SERPINA9: variants seen among roughly 807,000 people sequenced by gnomAD.
The protein encoded by SERPINA9 is serpin A9.
In SERPINA9, 32 loss-of-function variants were observed where a neutral mutation model predicts 24.5. That is an observed-to-expected ratio of 1.30 (90% confidence interval 0.98 to 1.75). The LOEUF is 1.75. Ranked by LOEUF, SERPINA9 falls within the 40% of genes most tolerant of loss-of-function variation. The pLI, the probability that SERPINA9 is intolerant of heterozygous loss-of-function variation, is 0.00. For missense variants in SERPINA9, 594 were observed against 497.1 expected (o/e 1.19, Z -1.85); for synonymous variants, 233 against 197.7 (o/e 1.18, Z -1.50).
intron 1 of SERPINA9, among the ~76,000 whole-genome samples, chr14:94,472,165 G>C (rs1319653550): frequency 6.6e-6 from 1 of 152,076 alleles, no homozygotes; most frequent in Non-Finnish European, 1.5e-5. Context: ...CGGCCCCACT[G>C]CTGGCCAGTG....
chr14:94,475,445 C>T (rs574262965), intron 1 of SERPINA9, among the ~76,000 whole-genome samples: 34 of 151,234 alleles, frequency 2.2e-4, no homozygotes, highest in Non-Finnish European at 4.1e-4. Flanking sequence ...CATACACACA[C>T]ACACACACAC....
intron 1 of SERPINA9, chr14:94,470,166 T>A: frequency 9.1e-7 from 1 of 1,099,058 alleles, no homozygotes; most frequent in Non-Finnish European, 1.1e-6. Flanking sequence ...CCATGCTTTT[T>A]GATGTTTCTG....
At position 94,469,639 on chromosome 14, in the gene SERPINA9, T is replaced by A. The variant is rs761176457; in HGVS notation, c.202A>T (p.Ile68Phe). 1.2e-6 allele frequency: 2 copies of A among 1,613,976 alleles called. No individual in the cohort carries two copies. Among genetic ancestry groups the A allele is most frequent in the Non-Finnish European group, 1.7e-6 (2 of 1,179,996 alleles). ...GAGACACTCACAGGGGAGAAGAAGA[T>A]GTTCTGACTCGGGGTCTCCAAAACC... ...RLVLETPSQN[I>F]FFSPVSVSTS... The change falls in exon 2 of 5, where the codon ATC becomes TTC. Residue 68 changes from isoleucine to phenylalanine, a missense_variant. Ile to Phe is a conservative substitution (Grantham distance 21). Transcript: ENST00000674397.
Position 94,469,490 on chromosome 14 carries a change from C to T in SERPINA9, c.351G>A (p.Leu117=), listed in dbSNP as rs1899193044. 1 of 1,614,080 alleles carries T rather than the reference C, an allele frequency of 6.2e-7. No homozygotes were observed. The highest frequency in any genetic ancestry group is 1.3e-5 in the African/African-American group (1 of 74,922). The change falls in exon 2 of 5, where the codon CTG becomes CTA. Residue 117 remains leucine, a synonymous_variant. Transcript: ENST00000674397. ...TGCTGGGAACAGTCAGTGAGTGAAC[C>T]AGGTGCTGGAAGCCCTGGTGGATGG... is the stretch of plus-strand genomic sequence containing the variant. ...ESAIHQGFQH[L]VHSLTVPSKD... is the part of the protein sequence containing the mutation.
intron 3 of SERPINA9, among the ~76,000 whole-genome samples, chr14:94,466,901 G>A (rs1220388602): frequency 1.3e-5 from 2 of 152,340 alleles, no homozygotes; most frequent in East Asian, 1.9e-4. Flanking sequence ...CCTCATCTGT[G>A]TAATGAGTGG....
At chr14:94,468,691 T>C (rs1899138781) in intron 2 of SERPINA9, among the ~76,000 whole-genome samples, 1 of 152,214 alleles carries the variant, frequency 6.6e-6, no homozygotes. Flanking sequence ...AGCTCTAACA[T>C]ATATCTACAT....
intron 1 of SERPINA9, among the ~76,000 whole-genome samples, chr14:94,475,219 G>A (rs368016479): frequency 1.3e-5 from 2 of 152,122 alleles, no homozygotes; most frequent in Admixed American, 6.5e-5. Context: ...GCTGGAAGAG[G>A]GGTTCTGCAA....
intron 3 of SERPINA9, among the ~76,000 whole-genome samples, chr14:94,466,336 T>G (rs1182896722): frequency 2.6e-5 from 4 of 152,154 alleles, no homozygotes; most frequent in African/African-American, 9.7e-5. Context: ...CAGCTGAAAG[T>G]GATCTCTCTC....
intron 2 of SERPINA9, 78 bp downstream of exon 2, chr14:94,469,135 C>T (rs1273263943): frequency 1.8e-5 from 24 of 1,353,538 alleles, no homozygotes; most frequent in Non-Finnish European, 2.2e-5. Flanking sequence ...GTTTGTCTGG[C>T]TTGTGTATTT....
In SERPINA9 at chr14:94,462,914, T is replaced by C; in HGVS notation, c.*179A>G. Reference sequence around the variant, plus strand: ...AAGGGCACTGACTGGGGTTAATGGGTGTTGGCTTGTGACTGGGGTCCCTGT... The same window carrying C: ...AAGGGCACTGACTGGGGTTAATGGGCGTTGGCTTGTGACTGGGGTCCCTGT... On this transcript the variant is annotated 3_prime_UTR_variant, in exon 5 of 5. Transcript: ENST00000674397. 1 of 604,778 alleles carries C rather than the reference T, an allele frequency of 1.7e-6. No homozygotes were observed. The highest frequency in any genetic ancestry group is 3.0e-6 in the Non-Finnish European group (1 of 336,090). The allele number at this position is 604,778 out of a possible 1,614,324, so 37.5% of individuals were successfully genotyped here. A position where few individuals can be genotyped will look rare whatever the true frequency, so the allele number is the denominator to read the frequency against.
intron 1 of SERPINA9, chr14:94,475,783 C>G (rs1899598910): frequency 2.7e-6 from 1 of 370,842 alleles, no homozygotes; most frequent in Non-Finnish European, 4.9e-6. Flanking sequence ...CTCGTTAAGA[C>G]AAAGAAACCA....
intron 1 of SERPINA9, among the ~76,000 whole-genome samples, chr14:94,474,589 T>A (rs1899487027): frequency 6.6e-6 from 1 of 152,244 alleles, no homozygotes; most frequent in Admixed American, 6.5e-5. Flanking sequence ...ACTCCCCACT[T>A]TGCTTCTCCC....
At chr14:94,470,160 G>C (rs2139813528) in intron 1 of SERPINA9, 1 of 1,107,898 alleles carries the variant, frequency 9.0e-7, no homozygotes, top group East Asian at 5.1e-5. Flanking sequence ...CAAATCCCAT[G>C]CTTTTTGATG....
intron 1 of SERPINA9, among the ~76,000 whole-genome samples, chr14:94,475,071 T>G (rs1313525900): frequency 6.6e-6 from 1 of 152,144 alleles, no homozygotes; most frequent in African/African-American, 2.4e-5. Flanking sequence ...GTTTGCCTCT[T>G]TATCCAGCTT....
At chr14:94,471,985 C>T (rs898948556) in intron 1 of SERPINA9, among the ~76,000 whole-genome samples, 6 of 152,108 alleles carry the variant, frequency 3.9e-5, no homozygotes, top group Non-Finnish European at 7.4e-5. Flanking sequence ...TTCCTCAAAA[C>T]GTTTTTCTTA....
chr14:94,463,378 C>T, intron 4 of SERPINA9, 82 bp from the exon 5 acceptor site: 1 of 1,249,706 alleles, frequency 8.0e-7, no homozygotes, highest in South Asian at 1.3e-5. Context: ...GTGCTTTTGC[C>T]CTGGAATGGT....
intron 1 of SERPINA9, among the ~76,000 whole-genome samples, chr14:94,474,049 G>C (rs906220126): frequency 6.6e-6 from 1 of 152,246 alleles, no homozygotes. Context: ...TCAGGGTGAA[G>C]GAATAGGATT....
rs1452413551 is a variant in SERPINA9 at position 94,463,180 on chromosome 14, G to A, written c.1167C>T (p.Phe389=). ...KDGPSYFTVS[F]NRTFLMMITN... ...TAATCATCATCAGGAAGGTCCTATT[G>A]AAGGAGACAGTGAAGTAAGAGGGGC... The change falls in exon 5 of 5, where the codon TTC becomes TTT. Residue 389 remains phenylalanine, a synonymous_variant. Coordinates refer to ENST00000674397, the MANE Select transcript of SERPINA9 (RefSeq NM_175739.4). The A allele has an allele frequency of 3.7e-6, 6 of 1,614,098 alleles. No individual in the cohort carries two copies. Among genetic ancestry groups the A allele is most frequent in the South Asian group, 3.3e-5 (3 of 91,082 alleles).
At chr14:94,475,387 A>T (rs1899545162) in intron 1 of SERPINA9, among the ~76,000 whole-genome samples, 1 of 152,030 alleles carries the variant, frequency 6.6e-6, no homozygotes, top group African/African-American at 2.4e-5. Context: ...ACCCTGCTAC[A>T]TGTGTGCTAC....
Sources: allele counts gnomAD v4.1 joint callset (sites outside exome capture counted in the v4.1 genomes callset), GRCh38; gene constraint gnomAD v4.1.1; transcripts MANE v1.5; gene names NCBI Gene and HGNC (gene_info 2026-07-23, HGNC 2026-07-21).